Variants in TENT2 observed in about 807,000 individuals in gnomAD.
TENT2 encodes the protein terminal nucleotidyltransferase 2.
Under a neutral mutation model 72.2 loss-of-function variants are expected in TENT2, and 44 were observed. The observed-to-expected ratio is 0.61, with a 90% CI of 0.48 to 0.78. The LOEUF is 0.78. TENT2 is among the 30% of genes least tolerant of loss of function. TENT2 has a pLI of 0.00. For missense variants in TENT2, 541 were observed against 569.6 expected, an observed-to-expected ratio of 0.95 and a Z score of 0.51; for synonymous variants, 212 against 192.5, an observed-to-expected ratio of 1.10 and a Z score of -0.84.
intron 11 of TENT2, among the ~76,000 whole-genome samples, chr5:79,666,648 C>T (rs1486552361): frequency 9.2e-6 from 1 of 108,304 alleles, no homozygotes; most frequent in Non-Finnish European, 1.6e-5. Flanking sequence ...ATTCATATTG[C>T]TATGAAATTA....
chr5:79,645,248 C>A, intron 8 of TENT2, 56 bp downstream of exon 8: 1 of 1,297,808 alleles, frequency 7.7e-7, no homozygotes, highest in Non-Finnish European at 1.1e-6. Context: ...TTTAGATACT[C>A]ATCTGATAAA....
intron 4 of TENT2, among the ~76,000 whole-genome samples, chr5:79,627,522 G>C (rs546932481): frequency 1.3e-5 from 2 of 152,238 alleles, no homozygotes; most frequent in Admixed American, 6.5e-5. Flanking sequence ...TTTTGCTCTT[G>C]TTGCCCAGGC....
chr5:79,645,631 G>A (rs1285330315), intron 8 of TENT2, among the ~76,000 whole-genome samples: 2 of 152,050 alleles, frequency 1.3e-5, no homozygotes, highest in African/African-American at 4.8e-5. Flanking sequence ...AAGGAAAACA[G>A]CAAAATATAC....
chr5:79,658,345 CT>C (rs1157314466), intron 11 of TENT2, among the ~76,000 whole-genome samples: 3 of 150,128 alleles, frequency 2.0e-5, no homozygotes, highest in Non-Finnish European at 4.4e-5. Flanking sequence ...TCTTTTGAAT[CT>C]TTTTATTTAT....
intron 6 of TENT2, 59 bp from the exon 7 acceptor site, chr5:79,642,772 GA>G: frequency 1.5e-6 from 2 of 1,367,676 alleles, no homozygotes; most frequent in Non-Finnish European, 2.0e-6. Flanking sequence ...GATACTTTAG[GA>G]AAATGAAACA....
At chr5:79,639,992 C>T (rs1783108470) in intron 4 of TENT2, among the ~76,000 whole-genome samples, 1 of 152,094 alleles carries the variant, frequency 6.6e-6, no homozygotes. Flanking sequence ...TGTGATGGCT[C>T]ACACCTGTAA....
chr5:79,687,325 A>G lies in TENT2; in HGVS notation c.*2052A>G, dbSNP rs1375347184. On this transcript the variant is annotated 3_prime_UTR_variant, in exon 15 of 15. Coordinates refer to ENST00000453514, the MANE Select transcript of TENT2 (RefSeq NM_001114394.3). ...CTCAATTATTTGTGTGGTGAGTACT[A>G]AATTATTTTCTGTTTGTGTTGATCT... Among the ~76,000 whole-genome samples the G allele has an allele frequency of 6.6e-6, 1 of 152,114 alleles. No homozygotes were observed. Among genetic ancestry groups the G allele is most frequent in the Non-Finnish European group, 1.5e-5 (1 of 68,006 alleles).
At position 79,685,246 on chromosome 5, in the gene TENT2, T is replaced by C; in HGVS notation, c.1428T>C (p.Pro476=). The change falls in exon 15 of 15, where the codon CCT becomes CCC. Residue 476 remains proline, a synonymous_variant. Transcript: ENST00000453514. ...AGAGAGATTTGAACAGTATACTACC[T>C]GTAAGAGCTGCTGTCCTGAAAAGAT... The part of the protein sequence containing the change: ...KNKRDLNSIL[P]VRAAVLKR 6.2e-7 allele frequency: 1 copy of C among 1,603,044 alleles called. No individual in the cohort carries two copies. The highest frequency in any genetic ancestry group is 8.5e-7 in the Non-Finnish European group (1 of 1,176,938).
intron 4 of TENT2, among the ~76,000 whole-genome samples, chr5:79,635,534 A>G (rs925387807): frequency 1.3e-5 from 2 of 152,176 alleles, no homozygotes; most frequent in Non-Finnish European, 2.9e-5. Context: ...TAAATATAAT[A>G]ACATTTCACT....
At chr5:79,652,135 A>G (rs945520474) in intron 10 of TENT2, among the ~76,000 whole-genome samples, 1 of 152,098 alleles carries the variant, frequency 6.6e-6, no homozygotes, top group Non-Finnish European at 1.5e-5. Flanking sequence ...TCCTAACGTA[A>G]TAATGAGTGG....
chr5:79,669,914 C>T (rs1048399580), intron 12 of TENT2, among the ~76,000 whole-genome samples: 1 of 151,950 alleles, frequency 6.6e-6, no homozygotes, highest in African/African-American at 2.4e-5. Context: ...TAACGTGCTC[C>T]AAGATCACAT....
chr5:79,635,610 A>C (rs1456626592), intron 4 of TENT2, among the ~76,000 whole-genome samples: 1 of 152,076 alleles, frequency 6.6e-6, no homozygotes, highest in Non-Finnish European at 1.5e-5. Flanking sequence ...GCTGGAGTGC[A>C]GTTGCGCGAT....
At chr5:79,670,612 C>T (rs553662532) in intron 12 of TENT2, among the ~76,000 whole-genome samples, 3 of 151,978 alleles carry the variant, frequency 2.0e-5, no homozygotes, top group South Asian at 4.2e-4. Context: ...TGTGAGCCAC[C>T]GTGCTCGGCC....
chr5:79,655,069 C>T (rs1251357246), intron 10 of TENT2, among the ~76,000 whole-genome samples: 1 of 151,966 alleles, frequency 6.6e-6, no homozygotes, highest in Non-Finnish European at 1.5e-5. Flanking sequence ...AACCTGTAGT[C>T]CAGAATTCTG....
At chr5:79,675,173 A>G (rs1453166589) in intron 12 of TENT2, among the ~76,000 whole-genome samples, 5 of 152,238 alleles carry the variant, frequency 3.3e-5, no homozygotes, top group Non-Finnish European at 5.9e-5. Context: ...TCTTGATGAA[A>G]AATTGATGAT....
chr5:79,622,595 T>A (rs750415353), intron 3 of TENT2, among the ~76,000 whole-genome samples: 1 of 152,202 alleles, frequency 6.6e-6, no homozygotes, highest in Non-Finnish European at 1.5e-5. Flanking sequence ...CTGCTTTTTT[T>A]CCTGAACCAT....
At chr5:79,652,389 A>G (rs1020830790) in intron 10 of TENT2, among the ~76,000 whole-genome samples, 3 of 152,058 alleles carry the variant, frequency 2.0e-5, no homozygotes, top group Non-Finnish European at 4.4e-5. Context: ...ATAACTGTGT[A>G]TATATATTTG....
intron 13 of TENT2, among the ~76,000 whole-genome samples, chr5:79,681,199 C>T (rs1159639406): frequency 5.2e-5 from 5 of 96,208 alleles, no homozygotes; most frequent in South Asian, 7.6e-4. Context: ...CTCTCTCTTT[C>T]GCCAGGCTGG....
chr5:79,634,672 T>C (rs1363195099), intron 4 of TENT2, among the ~76,000 whole-genome samples: 1 of 152,188 alleles, frequency 6.6e-6, no homozygotes. Context: ...AGGCTACGTA[T>C]AAGTAAATTT....
Sources: gnomAD v4.1 joint callset for allele counts (sites outside exome capture counted in the v4.1 genomes callset) on GRCh38, gnomAD v4.1.1 for gene constraint, MANE v1.5 for transcripts, NCBI Gene and HGNC (gene_info 2026-07-23, HGNC 2026-07-21) for gene names.